Variants in RPGRIP1L observed in about 807,000 individuals in gnomAD.
The protein encoded by RPGRIP1L is RPGRIP1 like.
RPGRIP1L carries 131 observed loss-of-function variants against 160.4 expected under a neutral mutation model. The observed-to-expected ratio is 0.82, with a 90% confidence interval of 0.71 to 0.94. The LOEUF (loss-of-function observed/expected upper bound fraction) is 0.94. Among genes scored for constraint, RPGRIP1L ranks in the 40% least tolerant of loss-of-function variants. The pLI, the probability that RPGRIP1L is intolerant of heterozygous loss-of-function variation, is 0.00. For synonymous variants in RPGRIP1L, 510 were observed against 515.8 expected, an observed-to-expected ratio of 0.99 and a Z score of 0.15; for missense variants, 1,522 against 1,535.8, an observed-to-expected ratio of 0.99 and a Z score of 0.15.
intron 6 of RPGRIP1L, 22 bp downstream of exon 6, chr16:53,686,411 T>G: frequency 6.2e-7 from 1 of 1,609,668 alleles, no homozygotes; most frequent in Non-Finnish European, 8.5e-7. Flanking sequence ...CTTATCAAAG[T>G]GATATTTCTG....
intron 10 of RPGRIP1L, among the ~76,000 whole-genome samples, chr16:53,660,686 G>C (rs989654950): frequency 6.6e-6 from 1 of 151,904 alleles, no homozygotes; most frequent in East Asian, 1.9e-4. Context: ...GCGAGGTCAG[G>C]AGTTCGAGAC....
At chr16:53,632,961 T>C (rs1359088700) in intron 22 of RPGRIP1L, among the ~76,000 whole-genome samples, 1 of 152,144 alleles carries the variant, frequency 6.6e-6, no homozygotes, top group Non-Finnish European at 1.5e-5. Flanking sequence ...TTTAATTGTG[T>C]TTCCCCTACA....
intron 14 of RPGRIP1L, chr16:53,655,433 A>C (rs1967169092): frequency 6.6e-6 from 1 of 151,866 alleles, no homozygotes; most frequent in Non-Finnish European, 1.5e-5. Context: ...TTAAGAGTGT[A>C]AAATTACTGC....
chr16:53,600,567 G>A lies in RPGRIP1L; in HGVS notation c.*1509C>T, dbSNP rs572741065. 7 of 152,702 alleles carry A rather than the reference G, an allele frequency of 4.6e-5. 1 individual carries two copies. Among genetic ancestry groups the A allele is most frequent in the African/African-American group, 1.4e-4 (6 of 41,564 alleles). 9.5% of individuals were successfully genotyped at this position (152,702 alleles called of 1,614,324 possible). On this transcript the variant is annotated 3_prime_UTR_variant, in exon 27 of 27. Coordinates refer to ENST00000647211, the MANE Select transcript of RPGRIP1L (RefSeq NM_015272.5). ...GTACATCAACAAATTAATATTGTAC[G>A]GATGTCATTTCAAAGCCTTCTAAAG... is the stretch of plus-strand genomic sequence containing the variant.
chr16:53,696,377 GC>G, intron 2 of RPGRIP1L, 82 bp from the exon 3 acceptor site: 5 of 1,415,210 alleles, frequency 3.5e-6, no homozygotes, highest in South Asian at 1.2e-5. Context: ...AATCTCTGAT[GC>G]ACTCATCTGA....
At chr16:53,649,206 A>T in intron 15 of RPGRIP1L, 91 bp from the exon 16 acceptor site, 1 of 1,074,620 alleles carries the variant, frequency 9.3e-7, no homozygotes, top group South Asian at 1.3e-5. Flanking sequence ...ATGCATTAAA[A>T]CTATACATTT....
rs1437629335 is a variant in RPGRIP1L, at chr16:53,599,503, A to G, written c.*2573T>C. On this transcript the variant is annotated 3_prime_UTR_variant, in exon 27 of 27. Coordinates refer to ENST00000647211, the MANE Select transcript of RPGRIP1L (RefSeq NM_015272.5). ...TACACTCTCCCACATACCACATCAC[A>G]TCTCTATTTGTATTTCCAAACTAAA... 6.6e-6 allele frequency: 1 copy of G among 152,228 alleles called. No individual in the cohort carries two copies. The highest frequency in any genetic ancestry group is 1.9e-4 in the East Asian group (1 of 5,196). The allele number at this position is 152,228 out of a possible 1,614,324, so 9.4% of individuals were successfully genotyped here.
Position 53,610,957 on chromosome 16 carries a change from C to CAA in RPGRIP1L, c.3701+8_3701+9dup. The CAA allele has an allele frequency of 6.3e-7, 1 of 1,588,926 alleles. No individual in the cohort carries two copies. On this transcript the variant is annotated intron_variant, in intron 25 of 26. Transcript: ENST00000647211. ...TAAACCATTAGATTATTTGGACTGC[C>CAA]AAAACATACCTTCTATTAGGCATCT...
At chr16:53,637,352 T>G (rs1268711386) in intron 21 of RPGRIP1L, among the ~76,000 whole-genome samples, 1 of 152,208 alleles carries the variant, frequency 6.6e-6, no homozygotes, top group East Asian at 1.9e-4. Context: ...TGGTCATTTT[T>G]GGCTGGATTT....
At position 53,675,000 on chromosome 16, in the gene RPGRIP1L, A is replaced by G. The variant is rs1969038633; in HGVS notation, c.882+17T>C. On this transcript the variant is annotated intron_variant, in intron 7 of 26. Transcript: ENST00000647211. ...TGCATCTCTGTAACATTGTAATAAA[A>G]TAAATTATCACTGTACCTCTTGAAG... 1 of 1,530,642 alleles carries G rather than the reference A, an allele frequency of 6.5e-7. No homozygotes were observed. Among genetic ancestry groups the G allele is most frequent in the Admixed American group, 1.7e-5 (1 of 59,768 alleles). 94.8% of individuals were successfully genotyped at this position (1,530,642 alleles called of 1,614,324 possible). A position where few individuals can be genotyped will look rare whatever the true frequency, so the allele number is the denominator to read the frequency against.
chr16:53,685,107 A>G (rs1249665524), intron 6 of RPGRIP1L, among the ~76,000 whole-genome samples: 1 of 151,572 alleles, frequency 6.6e-6, no homozygotes, highest in Non-Finnish European at 1.5e-5. Flanking sequence ...AAAAAAACAT[A>G]AAAAAAAAGC....
At chr16:53,641,236 T>C (rs773194052) in intron 18 of RPGRIP1L, 49 bp downstream of exon 18, 1 of 1,573,556 alleles carries the variant, frequency 6.4e-7, no homozygotes. Flanking sequence ...TTAAGCTTTA[T>C]ATTCAAAATT....
intron 22 of RPGRIP1L, among the ~76,000 whole-genome samples, chr16:53,628,007 A>G (rs1323367699): frequency 2.0e-5 from 3 of 152,320 alleles, no homozygotes; most frequent in South Asian, 4.1e-4. Context: ...GTATACATGC[A>G]TGATTCCCTT....
In RPGRIP1L at chr16:53,601,546, A is replaced by G. The variant is rs1192949413; in HGVS notation, c.*530T>C. On this transcript the variant is annotated 3_prime_UTR_variant, in exon 27 of 27. Coordinates refer to ENST00000647211, the MANE Select transcript of RPGRIP1L (RefSeq NM_015272.5). ...GAGCTTTAATGTGCATAAAATGGAT[A>G]TTAGCATTTTAAAGAGGAAGATTAA... is the stretch of plus-strand genomic sequence containing the variant. The G allele has an allele frequency of 6.4e-6, 1 of 157,126 alleles. No homozygotes were observed. The highest frequency in any genetic ancestry group is 2.4e-5 in the African/African-American group (1 of 41,484). The allele number at this position is 157,126 out of a possible 1,614,324, so 9.7% of individuals were successfully genotyped here.
At chr16:53,643,267 C>CA (rs1266018976) in intron 17 of RPGRIP1L, among the ~76,000 whole-genome samples, 12 of 149,992 alleles carry the variant, frequency 8.0e-5, no homozygotes, top group Admixed American at 6.7e-4. Flanking sequence ...CAGGTGGCAC[C>CA]ACTGCATTCC....
chr16:53,613,962 GC>G (rs1861253812), intron 24 of RPGRIP1L, among the ~76,000 whole-genome samples: 1 of 152,148 alleles, frequency 6.6e-6, no homozygotes, highest in African/African-American at 2.4e-5. Context: ...TCAAGAGTCT[GC>G]TCTCTTAACC....
intron 26 of RPGRIP1L, among the ~76,000 whole-genome samples, chr16:53,603,143 G>A (rs375316198): frequency 2.3e-4 from 35 of 152,258 alleles, no homozygotes; most frequent in African/African-American, 7.9e-4. Flanking sequence ...ACCCAGCCCC[G>A]AAGGTAGACT....
chr16:53,641,436 C>A lies in RPGRIP1L; in HGVS notation c.2723G>T (p.Gly908Val). Residue 908 changes from glycine to valine, a missense_variant, in exon 18 of 27, where the codon GGC becomes GTC. By Grantham distance (109) the Gly-to-Val change is moderately radical. Transcript: ENST00000647211. Reference sequence around the variant, plus strand: ...CCATTTCAATATAACATGGATGGTGCCAGCAGGATGCTTTTGATGGTCTGT... The same window carrying A: ...CCATTTCAATATAACATGGATGGTGACAGCAGGATGCTTTTGATGGTCTGT... ...ELTDHQKHPA[G>V]TIHVILKWKF... 6.2e-7 allele frequency: 1 copy of A among 1,613,794 alleles called. No individual in the cohort carries two copies. Among genetic ancestry groups the A allele is most frequent in the Non-Finnish European group, 8.5e-7 (1 of 1,179,836 alleles).
Position 53,649,037 on chromosome 16 carries a change from C to A in RPGRIP1L, c.2231G>T (p.Arg744Leu), listed in dbSNP as rs2302677. The change falls in exon 16 of 27, where the codon CGA becomes CTA. Residue 744 changes from arginine to leucine, a missense_variant. Transcript: ENST00000647211. ...AGCCTTTGCCCTTTCTCGATAAAGT[C>A]GAATTGCTTGATCCATGGGAACTCT... ...RLRVPMDQAIRLYRERAKALG... is the reference protein window; with the variant it reads ...RLRVPMDQAILLYRERAKALG... 1 of 1,613,842 alleles carries A rather than the reference C, an allele frequency of 6.2e-7. No homozygotes were observed. The highest frequency in any genetic ancestry group is 8.5e-7 in the Non-Finnish European group (1 of 1,179,806).
Sources: allele counts gnomAD v4.1 joint callset (sites outside exome capture counted in the v4.1 genomes callset), GRCh38; gene constraint gnomAD v4.1.1; transcripts MANE v1.5; gene names NCBI Gene and HGNC (gene_info 2026-07-23, HGNC 2026-07-21).